Variants in TANC2 observed in about 807,000 individuals in gnomAD.
TANC2 encodes the protein protein TANC2.
A neutral mutation model predicts 210.5 loss-of-function variants in TANC2; 26 were observed. That is an observed-to-expected ratio of 0.12 (90% confidence interval 0.09 to 0.17). TANC2 has a LOEUF of 0.17. Among genes scored for constraint, TANC2 ranks in the 10% least tolerant of loss-of-function variants. The probability of loss-of-function intolerance (pLI) is 1.00; values close to 1 mark genes in which losing one functional copy is unlikely to be tolerated. For synonymous variants in TANC2, 931 were observed against 967.1 expected (o/e 0.96, Z 0.69); for missense variants, 2,129 against 2,608.9 (o/e 0.82, Z 4.01).
chr17:63,404,534 A>G (rs1216283465), intron 19 of TANC2, among the ~76,000 whole-genome samples: 1 of 152,214 alleles, frequency 6.6e-6, no homozygotes, highest in Non-Finnish European at 1.5e-5. Context: ...GCTACCTTGA[A>G]TCATTCAAAT....
intron 9 of TANC2, among the ~76,000 whole-genome samples, chr17:63,308,338 T>C (rs1030623308): frequency 5.3e-5 from 8 of 152,180 alleles, no homozygotes; most frequent in Non-Finnish European, 1.0e-4. Flanking sequence ...CTTTGCTGTT[T>C]CATTGGTGTC....
chr17:63,377,403 G>C (rs1350726845), intron 14 of TANC2, among the ~76,000 whole-genome samples: 1 of 152,104 alleles, frequency 6.6e-6, no homozygotes, highest in African/African-American at 2.4e-5. Flanking sequence ...TCTTCCACTA[G>C]ATACCCTAAA....
At chr17:63,150,294 G>A (rs1243016080) in intron 4 of TANC2, 1 of 152,110 alleles carries the variant, frequency 6.6e-6, no homozygotes, top group Non-Finnish European at 1.5e-5. Flanking sequence ...TGCCAGTACT[G>A]TGCTAAGCAC....
chr17:63,024,244 AATGGCTACTCCTTAGAG>A (rs2034462028), intron 2 of TANC2, among the ~76,000 whole-genome samples: 1 of 152,208 alleles, frequency 6.6e-6, no homozygotes, highest in South Asian at 2.1e-4. Context: ...AGGAATAAAG[AATGGCTACTCCTTAGAG>A]CAGCCCTGAG....
At chr17:63,129,950 T>C (rs977120616) in intron 4 of TANC2, among the ~76,000 whole-genome samples, 4 of 152,206 alleles carry the variant, frequency 2.6e-5, no homozygotes, top group African/African-American at 7.2e-5. Context: ...AGTACACTTA[T>C]GGACAACAAC....
intron 5 of TANC2, among the ~76,000 whole-genome samples, chr17:63,158,004 A>G (rs1009342831): frequency 1.3e-5 from 2 of 152,194 alleles, no homozygotes; most frequent in Non-Finnish European, 2.9e-5. Flanking sequence ...GCTTCACAAA[A>G]AGAATAAAAT....
At chr17:63,296,349 G>A (rs2044536232) in intron 9 of TANC2, among the ~76,000 whole-genome samples, 1 of 151,766 alleles carries the variant, frequency 6.6e-6, no homozygotes, top group Admixed American at 6.6e-5. Context: ...CACACAATAA[G>A]GAGTAGAGTC....
At chr17:63,304,270 T>TG (rs1333336015) in intron 9 of TANC2, among the ~76,000 whole-genome samples, 1 of 152,142 alleles carries the variant, frequency 6.6e-6, no homozygotes, top group African/African-American at 2.4e-5. Context: ...GGGGTTTTTG[T>TG]GGGTATCTTG....
intron 9 of TANC2, among the ~76,000 whole-genome samples, chr17:63,308,586 A>G (rs2045006314): frequency 6.6e-6 from 1 of 152,184 alleles, no homozygotes; most frequent in Non-Finnish European, 1.5e-5. Context: ...GATTTTTAAA[A>G]TCATTCTGTA....
At chr17:63,004,730 T>C in intron 1 of TANC2, 1 of 325,876 alleles carries the variant, frequency 3.1e-6, no homozygotes. Context: ...CTCCGGCAGC[T>C]TCAGCTTTCA....
At chr17:63,165,597 C>A (rs1341900310) in intron 5 of TANC2, among the ~76,000 whole-genome samples, 1 of 152,154 alleles carries the variant, frequency 6.6e-6, no homozygotes, top group Non-Finnish European at 1.5e-5. Context: ...TCTTTTAAGC[C>A]TAGGTAATTA....
chr17:62,994,301 C>G (rs926806502), intron 1 of TANC2, among the ~76,000 whole-genome samples: 3 of 151,864 alleles, frequency 2.0e-5, no homozygotes, highest in Non-Finnish European at 2.9e-5. Context: ...CCTGCCTCAG[C>G]CTCCTGAGTA....
chr17:63,095,384 C>T (rs950919475), intron 3 of TANC2, among the ~76,000 whole-genome samples: 2 of 152,016 alleles, frequency 1.3e-5, no homozygotes, highest in South Asian at 2.1e-4. Flanking sequence ...TTGCCCACAT[C>T]GATCTCAAAC....
At chr17:63,415,950 A>G (rs2048845009) in intron 26 of TANC2, among the ~76,000 whole-genome samples, 1 of 152,124 alleles carries the variant, frequency 6.6e-6, no homozygotes, top group Admixed American at 6.5e-5. Context: ...TCCCACCCCC[A>G]TACCACCAAG....
intron 4 of TANC2, among the ~76,000 whole-genome samples, chr17:63,100,276 A>G (rs55914014): frequency 3.9e-5 from 6 of 152,208 alleles, no homozygotes; most frequent in Non-Finnish European, 7.4e-5. Flanking sequence ...GTAGAGTGAA[A>G]CTTTTTCACT....
chr17:62,976,662 G>A (rs971512984), intron 1 of TANC2, among the ~76,000 whole-genome samples: 1 of 152,020 alleles, frequency 6.6e-6, no homozygotes, highest in Non-Finnish European at 1.5e-5. Flanking sequence ...TCTCTTAGAA[G>A]CAAAATTTAT....
intron 4 of TANC2, among the ~76,000 whole-genome samples, chr17:63,123,860 C>A (rs1288611293): frequency 1.3e-5 from 2 of 151,214 alleles, no homozygotes; most frequent in East Asian, 4.0e-4. Context: ...TGCCACCACG[C>A]CCAGCTGATT....
chr17:63,191,882 T>C (rs2041198025), intron 5 of TANC2, among the ~76,000 whole-genome samples: 1 of 152,176 alleles, frequency 6.6e-6, no homozygotes, highest in Non-Finnish European at 1.5e-5. Flanking sequence ...AGAAAGGAAG[T>C]GCCTCTACTG....
chr17:63,082,651 G>T (rs1451739927), intron 3 of TANC2, among the ~76,000 whole-genome samples: 3 of 152,140 alleles, frequency 2.0e-5, no homozygotes, highest in Non-Finnish European at 4.4e-5. Flanking sequence ...GTACCTACCT[G>T]TCCCCCGGCA....
Sources: allele counts gnomAD v4.1 joint callset (sites outside exome capture counted in the v4.1 genomes callset), GRCh38; gene constraint gnomAD v4.1.1; transcripts MANE v1.5; gene names NCBI Gene and HGNC (gene_info 2026-07-23, HGNC 2026-07-21).